Variants in PHLPP1 observed in about 807,000 individuals in gnomAD.
PHLPP1 encodes PH domain and leucine rich repeat protein phosphatase 1.
A neutral mutation model predicts 117.2 loss-of-function variants in PHLPP1; 42 were observed. That is an observed-to-expected ratio of 0.36 (90% CI 0.28 to 0.46). PHLPP1 has a LOEUF of 0.46. Among genes scored for constraint, PHLPP1 ranks in the 20% least tolerant of loss-of-function variants. The probability of loss-of-function intolerance (pLI) is 1.00; values close to 1 mark genes in which losing one functional copy is unlikely to be tolerated. For missense variants in PHLPP1, 2,084 were observed against 2,241.9 expected (o/e 0.93, Z 1.42); for synonymous variants, 1,042 against 970.7 (o/e 1.07, Z -1.37).
intron 1 of PHLPP1, among the ~76,000 whole-genome samples, chr18:62,741,392 CAGATGTGG>C (rs1268676533): frequency 6.6e-6 from 1 of 152,072 alleles, no homozygotes. Context: ...TTAGTCAATT[CAGATGTGG>C]AGTGCTTGCT....
At chr18:62,813,157 C>T (rs1914172171) in intron 1 of PHLPP1, among the ~76,000 whole-genome samples, 1 of 152,120 alleles carries the variant, frequency 6.6e-6, no homozygotes, top group African/African-American at 2.4e-5. Context: ...TGCCCCAACT[C>T]ACTATATATT....
At chr18:62,805,369 G>T (rs1364753372) in intron 1 of PHLPP1, among the ~76,000 whole-genome samples, 2 of 150,660 alleles carry the variant, frequency 1.3e-5, no homozygotes, top group East Asian at 2.0e-4. Flanking sequence ...ACACTGCATA[G>T]GTTATACATA....
intron 1 of PHLPP1, among the ~76,000 whole-genome samples, chr18:62,825,139 A>G (rs1383558419): frequency 3.3e-5 from 5 of 151,986 alleles, no homozygotes; most frequent in South Asian, 2.1e-4. Context: ...TTGTATTTTT[A>G]GTAGAGACGG....
At chr18:62,874,036 A>G (rs1032334235) in intron 4 of PHLPP1, among the ~76,000 whole-genome samples, 1 of 151,258 alleles carries the variant, frequency 6.6e-6, no homozygotes, top group East Asian at 1.9e-4. Context: ...TACAAAAATT[A>G]GCTGGGCCGT....
intron 1 of PHLPP1, among the ~76,000 whole-genome samples, chr18:62,787,332 T>C (rs1224965821): frequency 2.6e-5 from 4 of 152,186 alleles, no homozygotes; most frequent in Admixed American, 2.0e-4. Flanking sequence ...ACTGCCTGGC[T>C]AATTTTTGTA....
chr18:62,889,072 G>C (rs187054746), intron 4 of PHLPP1, among the ~76,000 whole-genome samples: 1 of 152,322 alleles, frequency 6.6e-6, no homozygotes, highest in East Asian at 1.9e-4. Flanking sequence ...GTGGAACTCT[G>C]AGAAGGCTAA....
At chr18:62,889,992 G>C (rs1377159708) in intron 4 of PHLPP1, among the ~76,000 whole-genome samples, 1 of 152,028 alleles carries the variant, frequency 6.6e-6, no homozygotes, top group Non-Finnish European at 1.5e-5. Flanking sequence ...TATTATACTG[G>C]ACCTTGCAGC....
intron 1 of PHLPP1, among the ~76,000 whole-genome samples, chr18:62,808,220 A>G (rs1208412251): frequency 1.3e-5 from 2 of 152,190 alleles, no homozygotes; most frequent in Non-Finnish European, 2.9e-5. Flanking sequence ...AATCTTAGAT[A>G]AGTAGGAGGA....
rs771192395 is a variant in PHLPP1, at chr18:62,716,684, T to A, written c.1001T>A (p.Val334Asp). The change falls in exon 1 of 17, where the codon GTC becomes GAC. Residue 334 changes from valine to aspartate, a missense_variant. Physicochemically the swap from Val to Asp is radical, Grantham distance 152. This residue lies in a region of PHLPP1 where 719 missense variants were observed against 636.0 expected (regional missense o/e 1.13). Coordinates refer to ENST00000262719, the MANE Select transcript of PHLPP1 (RefSeq NM_194449.4). This position sits in a 1 kb window ranked among gnomAD's most constrained non-coding sequence, Gnocchi z 5.7. ...SPGEPFVGGP[V>D]SSPRAPRPVV... The stretch of plus-strand genomic sequence containing the variant: ...GGCGAGCCGTTCGTTGGGGGCCCTG[T>A]CTCTTCGCCCCGCGCCCCACGGCCT... 16 of 1,465,944 alleles carry A rather than the reference T, an allele frequency of 1.1e-5. No homozygotes were observed. In the South Asian group the frequency reaches 2.1e-4, roughly 19 times the overall value. 90.8% of individuals were successfully genotyped at this position (1,465,944 alleles called of 1,614,324 possible).
At chr18:62,964,150 A>G (rs1270204255) in intron 14 of PHLPP1, among the ~76,000 whole-genome samples, 1 of 152,182 alleles carries the variant, frequency 6.6e-6, no homozygotes, top group Non-Finnish European at 1.5e-5. Context: ...TGTAAATTAG[A>G]ACGGCCATAA....
At chr18:62,800,072 T>G (rs1273125887) in intron 1 of PHLPP1, among the ~76,000 whole-genome samples, 1 of 152,162 alleles carries the variant, frequency 6.6e-6, no homozygotes, top group East Asian at 1.9e-4. Flanking sequence ...ACCCTTTAGC[T>G]AGAGCTGACT....
At chr18:62,944,973 T>C in intron 11 of PHLPP1, 136 bp from the exon 12 acceptor site, 1 of 606,416 alleles carries the variant, frequency 1.6e-6, no homozygotes, top group Non-Finnish European at 2.7e-6. Flanking sequence ...TACTCCAAAA[T>C]GATAGTGAAA....
At position 62,925,670 on chromosome 18, in the gene PHLPP1, C is replaced by T. The variant is rs145807023; in HGVS notation, c.2960+5556C>T. ...TGTAGGCAACTATTTTTTTCAGTGACGAGGGCTATCTTTTGACATTCTGAT... is the reference window on the plus strand; with the variant it reads ...TGTAGGCAACTATTTTTTTCAGTGATGAGGGCTATCTTTTGACATTCTGAT... On this transcript the variant is annotated intron_variant, in intron 10 of 16. Transcript: ENST00000262719. 3.3e-5 allele frequency among the ~76,000 whole-genome samples: 5 copies of T among 150,254 alleles called. No homozygotes were observed. In the East Asian group the frequency reaches 7.7e-4, roughly 23 times the overall value.
chr18:62,837,318 CTTTA>C (rs1043684566), intron 2 of PHLPP1, among the ~76,000 whole-genome samples: 10 of 152,056 alleles, frequency 6.6e-5, no homozygotes, highest in African/African-American at 2.4e-4. Context: ...TTTGGTTTTT[CTTTA>C]TTTAGTAGTA....
At chr18:62,793,818 G>A (rs1913537420) in intron 1 of PHLPP1, among the ~76,000 whole-genome samples, 1 of 152,116 alleles carries the variant, frequency 6.6e-6, no homozygotes, top group Non-Finnish European at 1.5e-5. Context: ...GTAATTCCCT[G>A]CTCTACCTCC....
intron 1 of PHLPP1, among the ~76,000 whole-genome samples, chr18:62,749,174 G>A (rs949965439): frequency 3.3e-5 from 5 of 150,456 alleles, no homozygotes; most frequent in Middle Eastern, 3.4e-3. Context: ...TTATTTGGTC[G>A]GCACATGTTC....
chr18:62,717,212 AG>A lies in PHLPP1; in HGVS notation c.1531del (p.Glu511LysfsTer44). ...TTTGGGGAGCTGTGGAGGGTGCAGG[AG>A]GAAGGCATGGACTCGGAGATTGGCT... ...LGFGELWRVQ[E>X]EGMDSEIGCL... On this transcript the variant is annotated frameshift_variant, in exon 1 of 17. Coordinates refer to ENST00000262719, the MANE Select transcript of PHLPP1 (RefSeq NM_194449.4). LOFTEE classifies it high-confidence loss of function. 6.2e-7 allele frequency: 1 copy of A among 1,609,446 alleles called. No individual in the cohort carries two copies. The highest frequency in any genetic ancestry group is 8.5e-7 in the Non-Finnish European group (1 of 1,177,050).
chr18:62,882,910 G>A (rs1266595981), intron 4 of PHLPP1, among the ~76,000 whole-genome samples: 1 of 144,884 alleles, frequency 6.9e-6, no homozygotes, highest in Non-Finnish European at 1.5e-5. Context: ...ATCTATTTAT[G>A]TATTTATTTA....
chr18:62,925,878 T>G (rs1909614567), intron 10 of PHLPP1, among the ~76,000 whole-genome samples: 1 of 152,216 alleles, frequency 6.6e-6, no homozygotes, highest in Non-Finnish European at 1.5e-5. Context: ...GGGAACTGTA[T>G]GTTTATCAAG....
Sources: allele counts gnomAD v4.1 joint callset (sites outside exome capture counted in the v4.1 genomes callset), GRCh38; gene constraint gnomAD v4.1.1; regional missense constraint gnomAD v4.1.1; non-coding constraint Gnocchi (gnomAD v3.1); transcripts MANE v1.5; gene names NCBI Gene and HGNC (gene_info 2026-07-23, HGNC 2026-07-21).